The following TMEM165 variants were observed in gnomAD, a reference collection of about 807,000 sequenced individuals.
TMEM165 encodes the protein putative divalent cation/proton antiporter TMEM165.
In TMEM165, 19 loss-of-function variants were observed where a neutral mutation model predicts 30.0. That is an observed-to-expected ratio of 0.63 (90% confidence interval 0.44 to 0.93). The LOEUF (loss-of-function observed/expected upper bound fraction) is 0.93. TMEM165 is among the 40% of genes least tolerant of loss of function. TMEM165 has a pLI of 0.00. For missense variants in TMEM165, 340 were observed against 417.0 expected, an observed-to-expected ratio of 0.82 and a Z score of 1.61; for synonymous variants, 168 against 162.9, an observed-to-expected ratio of 1.03 and a Z score of -0.24.
chr4:55,396,204 T>C lies in TMEM165; in HGVS notation c.15T>C (p.Ala5=), dbSNP rs764693617. 4.9e-6 allele frequency: 7 copies of C among 1,437,208 alleles called. No homozygotes were observed. The highest frequency in any genetic ancestry group is 5.2e-5 in the Admixed American group (2 of 38,154). 89.0% of individuals were successfully genotyped at this position (1,437,208 alleles called of 1,614,324 possible). The change falls in exon 1 of 6, where the codon GCT becomes GCC. Residue 5 remains alanine, a synonymous_variant. Coordinates refer to ENST00000381334, the MANE Select transcript of TMEM165 (RefSeq NM_018475.5). MAAA[A]PGNGRASAPR... is the part of the protein sequence containing the mutation. ...CGGCAGGCGGGATGGCGGCCGCGGCTCCAGGGAACGGCCGCGCATCGGCGC... is the reference window on the plus strand; with the variant it reads ...CGGCAGGCGGGATGGCGGCCGCGGCCCCAGGGAACGGCCGCGCATCGGCGC...
At chr4:55,400,253 A>ATAT (rs1720905756) in intron 1 of TMEM165, among the ~76,000 whole-genome samples, 3 of 64,194 alleles carry the variant, frequency 4.7e-5, no homozygotes, top group Admixed American at 2.3e-4. Flanking sequence ...ATATTATATT[A>ATAT]TATTAATATA....
intron 2 of TMEM165, among the ~76,000 whole-genome samples, chr4:55,413,704 T>G (rs929994751): frequency 6.6e-6 from 1 of 152,232 alleles, no homozygotes; most frequent in African/African-American, 2.4e-5. Flanking sequence ...TGAAGAACAC[T>G]TATATAACTT....
chr4:55,427,457 C>T (rs1296986062), downstream of TMEM165, among the ~76,000 whole-genome samples: 2 of 152,050 alleles, frequency 1.3e-5, no homozygotes, highest in Non-Finnish European at 2.9e-5. Context: ...GTTCTCCTGC[C>T]TCAGCCTCCC....
Position 55,412,393 on chromosome 4 carries a change from C to CAAAAAAAAAA in TMEM165, c.433+569_433+578dup, listed in dbSNP as rs371124857. Among the ~76,000 whole-genome samples the CAAAAAAAAAA allele has an allele frequency of 1.2e-3, 66 of 54,350 alleles. 4 individuals carry two copies. The highest frequency in any genetic ancestry group is 4.0e-3 in the African/African-American group (53 of 13,206). The allele number at this position is 54,350 out of a possible 152,430, so 35.7% of individuals were successfully genotyped here. A position where few individuals can be genotyped will look rare whatever the true frequency, so the allele number is the denominator to read the frequency against. ...TGGGTGATAGAGTGAGACTCCATCT[C>CAAAAAAAAAA]AAAAAAAAAAAAAAAAAAAAAAAAG... is the stretch of plus-strand genomic sequence containing the variant. On this transcript the variant is annotated intron_variant, in intron 2 of 5. Transcript: ENST00000381334.
intron 3 of TMEM165, 51 bp downstream of exon 3, chr4:55,417,298 A>G (rs1273470710): frequency 1.3e-6 from 2 of 1,566,804 alleles, no homozygotes; most frequent in Non-Finnish European, 8.7e-7. Context: ...AACTAGGAAT[A>G]AACACTCTAC....
chr4:55,402,795 C>CTTTTTTTTTTTTTTTTTTTT lies in TMEM165; in HGVS notation c.207+6413_207+6414insTTTTTTTTTTTTTTTTTTTT, dbSNP rs71194554. Among the ~76,000 whole-genome samples, 165 of 71,404 alleles carry CTTTTTTTTTTTTTTTTTTTT rather than the reference C, an allele frequency of 2.3e-3. 36 individuals carry two copies. The highest frequency in any genetic ancestry group is 2.5e-3 in the African/African-American group (40 of 15,840). 46.8% of individuals were successfully genotyped at this position (71,404 alleles called of 152,430 possible). A position where few individuals can be genotyped will look rare whatever the true frequency, so the allele number is the denominator to read the frequency against. ...ACATTTTTACAACTTTTAAAAAAAGCTTTTTTTTTTTTTTGAGACGGAGTC... is the reference window on the plus strand; with the variant it reads ...ACATTTTTACAACTTTTAAAAAAAGCTTTTTTTTTTTTTTTTTTTTTTTTTTTTTTTTTTGAGACGGAGTC... On this transcript the variant is annotated intron_variant, in intron 1 of 5. Transcript: ENST00000381334.
At chr4:55,417,343 C>A in intron 3 of TMEM165, 96 bp downstream of exon 3, 1 of 1,199,290 alleles carries the variant, frequency 8.3e-7, no homozygotes, top group Non-Finnish European at 1.2e-6. Flanking sequence ...GTGTGATATG[C>A]GGGGCTACAC....
intron 3 of TMEM165, among the ~76,000 whole-genome samples, chr4:55,445,561 T>C (rs1386817457): frequency 1.3e-5 from 2 of 150,434 alleles, no homozygotes; most frequent in Non-Finnish European, 3.0e-5. Context: ...GGTTGCTCTC[T>C]GCATCTGCTA....
downstream of TMEM165, chr4:55,428,450 T>C (rs922876648): frequency 1.3e-5 from 2 of 152,232 alleles, no homozygotes; most frequent in African/African-American, 4.8e-5. Context: ...AACCATTCAT[T>C]ATCCTTCATG....
At chr4:55,403,135 T>G in intron 1 of TMEM165, 1 of 743,690 alleles carries the variant, frequency 1.3e-6, no homozygotes, top group Non-Finnish European at 2.0e-6. Context: ...GAGACAGTTC[T>G]AAGCAAATTG....
At chr4:55,440,293 CTG>C (rs1428361369) in intron 3 of TMEM165, among the ~76,000 whole-genome samples, 1 of 152,218 alleles carries the variant, frequency 6.6e-6, no homozygotes, top group Non-Finnish European at 1.5e-5. Flanking sequence ...ATAGCGTCCT[CTG>C]TGCTAGAATT....
At chr4:55,443,747 T>A in intron 3 of TMEM165, 1 of 1,614,132 alleles carries the variant, frequency 6.2e-7, no homozygotes, top group Non-Finnish European at 8.5e-7. Context: ...TGCCAATGTG[T>A]CCAGTATTCA....
At position 55,425,865 on chromosome 4, in the gene TMEM165, C is replaced by T. The variant is rs1022325975; in HGVS notation, c.*413C>T. ...GGAAAGAATGAATTAATTTCTATTTCTTAAAACATTTCCCTGAGCCAGTAA... is the reference window on the plus strand; with the variant it reads ...GGAAAGAATGAATTAATTTCTATTTTTTAAAACATTTCCCTGAGCCAGTAA... On this transcript the variant is annotated 3_prime_UTR_variant, in exon 6 of 6. Transcript: ENST00000381334. The T allele has an allele frequency of 1.3e-5, 2 of 153,536 alleles. No homozygotes were observed. Among genetic ancestry groups the T allele is most frequent in the Non-Finnish European group, 2.9e-5 (2 of 69,044 alleles). 9.5% of individuals were successfully genotyped at this position (153,536 alleles called of 1,614,324 possible). A position where few individuals can be genotyped will look rare whatever the true frequency, so the allele number is the denominator to read the frequency against.
chr4:55,409,710 G>T (rs1721407737), intron 1 of TMEM165, among the ~76,000 whole-genome samples: 1 of 152,114 alleles, frequency 6.6e-6, no homozygotes, highest in South Asian at 2.1e-4. Flanking sequence ...GTTGAGAACC[G>T]CTTGTCTAGC....
chr4:55,438,522 T>A, intron 3 of TMEM165: 1 of 1,613,612 alleles, frequency 6.2e-7, no homozygotes, highest in Non-Finnish European at 8.5e-7. Context: ...TCACAAGTTG[T>A]TGACCTTGAG....
chr4:55,397,373 CT>C (rs1460599451), intron 1 of TMEM165: 1 of 152,178 alleles, frequency 6.6e-6, no homozygotes, highest in Non-Finnish European at 1.5e-5. Flanking sequence ...TTAGCCACCG[CT>C]TTCTTGCTCA....
At chr4:55,450,193 T>A (rs772712485) in intron 3 of TMEM165, 2 of 1,614,044 alleles carry the variant, frequency 1.2e-6, no homozygotes. Context: ...TCCTTGAGAC[T>A]GACTGTGTTT....
At chr4:55,400,944 G>T (rs1379640908) in intron 1 of TMEM165, among the ~76,000 whole-genome samples, 1 of 150,688 alleles carries the variant, frequency 6.6e-6, no homozygotes, top group Non-Finnish European at 1.5e-5. Flanking sequence ...TGCTGAATAT[G>T]TAAGTTTCAA....
chr4:55,396,459 A>G, intron 1 of TMEM165, 63 bp downstream of exon 1: 1 of 1,304,898 alleles, frequency 7.7e-7, no homozygotes, highest in Non-Finnish European at 9.8e-7. Context: ...ACCAGGCTCC[A>G]GGCCTTTGAA....
Sources: gnomAD v4.1 joint callset for allele counts (sites outside exome capture counted in the v4.1 genomes callset) on GRCh38, gnomAD v4.1.1 for gene constraint, MANE v1.5 for transcripts, NCBI Gene and HGNC (gene_info 2026-07-23, HGNC 2026-07-21) for gene names.